The following POU6F2 variants were observed in gnomAD, a reference collection of about 807,000 sequenced individuals.
The protein encoded by POU6F2 is POU domain, class 6, transcription factor 2.
A neutral mutation model predicts 71.3 loss-of-function variants in POU6F2; 31 were observed. The ratio of observed to expected loss-of-function variants is 0.43; its 90% CI spans 0.33 to 0.59. The LOEUF (loss-of-function observed/expected upper bound fraction) is 0.59. Among genes scored for constraint, POU6F2 ranks in the 20% least tolerant of loss-of-function variants. POU6F2 has a pLI of 0.04. For synonymous variants in POU6F2, 347 were observed against 355.7 expected, an observed-to-expected ratio of 0.98 and a Z score of 0.27; for missense variants, 783 against 856.8, an observed-to-expected ratio of 0.91 and a Z score of 1.07.
At chr7:39,397,524 C>T (rs946593564) in intron 5 of POU6F2, among the ~76,000 whole-genome samples, 12 of 148,672 alleles carry the variant, frequency 8.1e-5, no homozygotes, top group Non-Finnish European at 7.4e-5. Flanking sequence ...GACAGAGTCT[C>T]GCTTTGTCAC....
chr7:39,023,740 T>C (rs1562674698), intron 1 of POU6F2, among the ~76,000 whole-genome samples: 4 of 152,148 alleles, frequency 2.6e-5, no homozygotes, highest in South Asian at 2.1e-4. Context: ...CTACTGCTTA[T>C]TGAACACGTA....
At chr7:39,186,625 G>A (rs1433292112) in intron 2 of POU6F2, among the ~76,000 whole-genome samples, 3 of 152,070 alleles carry the variant, frequency 2.0e-5, no homozygotes, top group Admixed American at 2.0e-4. Context: ...GATATCTTCC[G>A]CACCGGAAAT....
At chr7:39,065,712 A>G (rs75339934) in intron 1 of POU6F2, among the ~76,000 whole-genome samples, 2,038 of 151,762 alleles carry the variant, frequency 0.013, 42 homozygotes, top group African/African-American at 0.046. Context: ...AGATGAATTT[A>G]TAAGAAAAGA....
chr7:39,331,048 G>A (rs1785638121), intron 4 of POU6F2, among the ~76,000 whole-genome samples: 1 of 152,048 alleles, frequency 6.6e-6, no homozygotes, highest in Non-Finnish European at 1.5e-5. Context: ...TTTTGTGTCT[G>A]GTTTATCTCA....
intron 4 of POU6F2, among the ~76,000 whole-genome samples, chr7:39,266,695 CTTTTTTTT>C (rs35508359): frequency 9.5e-6 from 1 of 105,116 alleles, no homozygotes; most frequent in African/African-American, 3.9e-5. Context: ...CGCACCTGGC[CTTTTTTTT>C]TTTTTTTTTT....
intron 4 of POU6F2, among the ~76,000 whole-genome samples, chr7:39,288,336 C>G (rs1037751122): frequency 2.0e-5 from 3 of 152,194 alleles, no homozygotes; most frequent in Non-Finnish European, 4.4e-5. Flanking sequence ...AACCTCACCT[C>G]TCTGAGCTTC....
intron 4 of POU6F2, among the ~76,000 whole-genome samples, chr7:39,264,811 C>A (rs999564620): frequency 6.6e-6 from 1 of 151,984 alleles, no homozygotes; most frequent in Non-Finnish European, 1.5e-5. Flanking sequence ...TATATATACA[C>A]ATATGTATGT....
chr7:39,022,269 A>T (rs1789693659), intron 1 of POU6F2, among the ~76,000 whole-genome samples: 1 of 151,630 alleles, frequency 6.6e-6, no homozygotes. Context: ...CTTTTTTTGG[A>T]TAAAATGCCT....
intron 4 of POU6F2, among the ~76,000 whole-genome samples, chr7:39,268,966 C>T (rs550573257): frequency 2.0e-4 from 31 of 152,340 alleles, no homozygotes; most frequent in African/African-American, 7.5e-4. Flanking sequence ...CCTCACAGGA[C>T]TCTGTTTATA....
chr7:39,107,878 A>G (rs1006289420), intron 2 of POU6F2, among the ~76,000 whole-genome samples: 9 of 152,216 alleles, frequency 5.9e-5, no homozygotes, highest in Non-Finnish European at 1.0e-4. Context: ...AGACAAAGGA[A>G]TAAATGTTCC....
chr7:39,190,759 T>C (rs1793647216), intron 2 of POU6F2, among the ~76,000 whole-genome samples: 1 of 148,738 alleles, frequency 6.7e-6, no homozygotes, highest in South Asian at 2.2e-4. Flanking sequence ...TGCCTCAGCC[T>C]CCTGAGTAGC....
At chr7:39,110,045 C>T (rs1388882226) in intron 2 of POU6F2, among the ~76,000 whole-genome samples, 2 of 151,950 alleles carry the variant, frequency 1.3e-5, no homozygotes, top group African/African-American at 2.4e-5. Context: ...CCGAGGAGGG[C>T]GGATCACCTG....
intron 4 of POU6F2, among the ~76,000 whole-genome samples, chr7:39,246,592 A>G (rs773833371): frequency 1.3e-5 from 2 of 152,144 alleles, no homozygotes; most frequent in African/African-American, 4.8e-5. Flanking sequence ...TAAAATTGGG[A>G]TAAAAGAACA....
intron 6 of POU6F2, among the ~76,000 whole-genome samples, chr7:39,426,240 T>A (rs978451310): frequency 6.6e-6 from 1 of 152,194 alleles, no homozygotes; most frequent in African/African-American, 2.4e-5. Context: ...GGACCAGCCA[T>A]TGGCTCAGGC....
At chr7:39,269,918 A>G (rs1295819755) in intron 4 of POU6F2, among the ~76,000 whole-genome samples, 2 of 152,210 alleles carry the variant, frequency 1.3e-5, no homozygotes, top group African/African-American at 4.8e-5. Flanking sequence ...AGACTCATCA[A>G]GGCTGGAATT....
intron 1 of POU6F2, among the ~76,000 whole-genome samples, chr7:39,026,687 A>T (rs1789812503): frequency 6.6e-6 from 1 of 152,178 alleles, no homozygotes; most frequent in Non-Finnish European, 1.5e-5. Context: ...CCAGCATGGC[A>T]CATGTATACA....
At chr7:39,094,978 T>C (rs751633074) in intron 2 of POU6F2, among the ~76,000 whole-genome samples, 1 of 152,134 alleles carries the variant, frequency 6.6e-6, no homozygotes, top group Non-Finnish European at 1.5e-5. Flanking sequence ...AATAGAAATG[T>C]GTCAGAAAGG....
intron 4 of POU6F2, among the ~76,000 whole-genome samples, chr7:39,278,110 G>GGGGA (rs1562774093): frequency 1.7e-5 from 1 of 60,414 alleles, no homozygotes; most frequent in Non-Finnish European, 3.4e-5. Flanking sequence ...GGAGGGAGGG[G>GGGGA]GGGAGGGAGG....
intron 4 of POU6F2, among the ~76,000 whole-genome samples, chr7:39,324,114 A>G (rs1309835584): frequency 6.6e-6 from 1 of 152,004 alleles, no homozygotes; most frequent in African/African-American, 2.4e-5. Context: ...TCTCAAAAAA[A>G]AAAAAAGAAA....
Sources: gnomAD v4.1 joint callset for allele counts (sites outside exome capture counted in the v4.1 genomes callset) on GRCh38, gnomAD v4.1.1 for gene constraint, MANE v1.5 for transcripts, NCBI Gene and HGNC (gene_info 2026-07-23, HGNC 2026-07-21) for gene names.